Variants in ADAM11 observed in about 807,000 individuals in gnomAD.
The protein encoded by ADAM11 is disintegrin and metalloproteinase domain-containing protein 11.
ADAM11 carries 49 observed loss-of-function variants against 119.1 expected under a neutral mutation model. The observed-to-expected ratio is 0.41, with a 90% CI of 0.33 to 0.52. The LOEUF (loss-of-function observed/expected upper bound fraction) is 0.52. Ranked by LOEUF, ADAM11 falls within the 20% of genes least tolerant of loss-of-function variation. The pLI is 0.20. For missense variants in ADAM11, 777 were observed against 1,047.5 expected (o/e 0.74, Z 3.56); for synonymous variants, 364 against 408.0 (o/e 0.89, Z 1.30).
chr17:44,777,070 A>C lies in ADAM11; in HGVS notation c.1682-96A>C. ...GCCCCCAAGTGTGTAGCTCCCCAGG[A>C]TCTCAGGGACCCAGGCAGAGTGTGG... On this transcript the variant is annotated intron_variant, in intron 20 of 26. Coordinates refer to ENST00000200557, the MANE Select transcript of ADAM11 (RefSeq NM_002390.6). The surrounding 1 kb of genome is among the most constrained non-coding windows in gnomAD (Gnocchi z 5.1). The C allele has an allele frequency of 6.5e-7, 1 of 1,541,824 alleles. No individual in the cohort carries two copies. The highest frequency in any genetic ancestry group is 2.3e-5 in the East Asian group (1 of 44,026).
Position 44,777,532 on chromosome 17 carries a change from G to C in ADAM11, c.1832G>C (p.Arg611Pro), listed in dbSNP as rs149691741. 2.5e-6 allele frequency: 4 copies of C among 1,614,042 alleles called. No individual in the cohort carries two copies. The highest frequency in any genetic ancestry group is 2.2e-5 in the South Asian group (2 of 91,078). The change falls in exon 22 of 27, where the codon CGG becomes CCG. Residue 611 changes from arginine (R) to proline (P), a missense_variant. This residue lies in a region of ADAM11 where 348 missense variants were observed against 486.7 expected (regional missense o/e 0.72). Transcript: ENST00000200557. The surrounding 1 kb of genome is among the most constrained non-coding windows in gnomAD (Gnocchi z 5.1). ...TGTGTCAACATCTCTGGAGCTCCTC[G>C]GCTAGGGGACCTGGTGGGAGACATC... The part of the protein sequence containing the change: ...LLCVNISGAP[R>P]LGDLVGDISS...
intron 2 of ADAM11, among the ~76,000 whole-genome samples, chr17:44,761,968 G>A (rs1205534880): frequency 3.9e-5 from 6 of 152,080 alleles, no homozygotes; most frequent in Non-Finnish European, 7.4e-5. Flanking sequence ...GATTACAGAC[G>A]TGCGCCACCA....
At chr17:44,771,542 C>A in intron 4 of ADAM11, 42 bp from the exon 5 acceptor site, 1 of 1,595,646 alleles carries the variant, frequency 6.3e-7, no homozygotes, top group Non-Finnish European at 8.6e-7. Flanking sequence ...TGGCTGCCCC[C>A]GGCCTCATGC....
rs763819229 is a variant in ADAM11 at position 44,776,934 on chromosome 17, C to T, written c.1653C>T (p.Asp551=). The change falls in exon 20 of 27, where the codon GAC becomes GAT. Residue 551 remains aspartate (D), a synonymous_variant. Transcript: ENST00000200557. This position sits in a 1 kb window ranked among gnomAD's most constrained non-coding sequence, Gnocchi z 5.2. ...ACGGAGGTCGCTGCAAAACCCGGGACCGGCAGTGCCAGGTTCTTTGGGGCC... is the reference window on the plus strand; with the variant it reads ...ACGGAGGTCGCTGCAAAACCCGGGATCGGCAGTGCCAGGTTCTTTGGGGCC... The part of the protein sequence containing the change: ...RCYGGRCKTR[D]RQCQVLWGHA... 3 of 1,612,898 alleles carry T rather than the reference C, an allele frequency of 1.9e-6. No individual in the cohort carries two copies. The highest frequency in any genetic ancestry group is 1.3e-5 in the African/African-American group (1 of 74,870).
intron 3 of ADAM11, 28 bp from the exon 4 acceptor site, chr17:44,769,954 C>T: frequency 1.2e-6 from 2 of 1,613,858 alleles, no homozygotes; most frequent in Non-Finnish European, 1.7e-6. Flanking sequence ...GCCCGTGACC[C>T]CCCTTCCTGC....
chr17:44,765,779 C>T (rs146351793), intron 2 of ADAM11, among the ~76,000 whole-genome samples: 5,363 of 152,200 alleles, frequency 0.035, 297 homozygotes, highest in African/African-American at 0.12. Flanking sequence ...TGCCACCACA[C>T]CCGGCTAATT....
Position 44,769,685 on chromosome 17 carries a change from G to A in ADAM11, c.238-33G>A, listed in dbSNP as rs779923878. Reference sequence around the variant, plus strand: ...CGACTCCCACCTTCAGGCCTCCCTGGGTTGACTCCCCCTCTGCCCTCCCCC... The same window carrying A: ...CGACTCCCACCTTCAGGCCTCCCTGAGTTGACTCCCCCTCTGCCCTCCCCC... On this transcript the variant is annotated intron_variant, in intron 2 of 26. Coordinates refer to ENST00000200557, the MANE Select transcript of ADAM11 (RefSeq NM_002390.6). The A allele has an allele frequency of 2.3e-5, 35 of 1,539,048 alleles. No homozygotes were observed. The South Asian group carries it at 3.4e-4, about 15-fold the overall frequency.
chr17:44,773,374 G>C lies in ADAM11; in HGVS notation c.939G>C (p.Met313Ile). The C allele has an allele frequency of 6.2e-7, 1 of 1,613,952 alleles. No individual in the cohort carries two copies. Residue 313 changes from methionine to isoleucine, a missense_variant, in exon 11 of 27, where the codon ATG (methionine) becomes ATC (isoleucine). Around this residue, in one of 4 missense-constraint regions of ADAM11, gnomAD observed 147 missense variants for 223.3 expected, o/e 0.66. Transcript: ENST00000200557. This position sits in a 1 kb window ranked among gnomAD's most constrained non-coding sequence, Gnocchi z 4.6. ...TCCTGGAGACCCTGGCCCGGCTCAT[G>C]GTCTACCGACGGGAGGGTCTGCCTG... ...DDLLETLARL[M>I]VYRREGLPEP...
chr17:44,763,419 G>A (rs1243541240), intron 2 of ADAM11, among the ~76,000 whole-genome samples: 1 of 152,212 alleles, frequency 6.6e-6, no homozygotes, highest in African/African-American at 2.4e-5. Flanking sequence ...AGGGAAAAGA[G>A]ACACAGATGC....
In ADAM11 at chr17:44,777,365, C is replaced by G; in HGVS notation, c.1781+100C>G. The G allele has an allele frequency of 6.6e-7, 1 of 1,525,088 alleles. No homozygotes were observed. The highest frequency in any genetic ancestry group is 9.0e-7 in the Non-Finnish European group (1 of 1,111,548). The allele number at this position is 1,525,088 out of a possible 1,614,324, so 94.5% of individuals were successfully genotyped here. Reference sequence around the variant, plus strand: ...TTCTCCCAGGAGGAGCCTGTCAGTCCCAATGGGCGGGCACGTGGCAAATGA... The same window carrying G: ...TTCTCCCAGGAGGAGCCTGTCAGTCGCAATGGGCGGGCACGTGGCAAATGA... On this transcript the variant is annotated intron_variant, in intron 21 of 26. Coordinates refer to ENST00000200557, the MANE Select transcript of ADAM11 (RefSeq NM_002390.6). This position sits in a 1 kb window ranked among gnomAD's most constrained non-coding sequence, Gnocchi z 5.1.
intron 2 of ADAM11, among the ~76,000 whole-genome samples, chr17:44,768,414 C>G (rs1412928768): frequency 6.6e-6 from 1 of 152,166 alleles, no homozygotes; most frequent in African/African-American, 2.4e-5. Flanking sequence ...CTCCCAGGAC[C>G]TCTCATGGAC....
chr17:44,771,844 C>G lies in ADAM11; in HGVS notation c.543+13C>G. 6.3e-7 allele frequency: 1 copy of G among 1,597,266 alleles called. No homozygotes were observed. The highest frequency in any genetic ancestry group is 8.6e-7 in the Non-Finnish European group (1 of 1,168,374). ...GGGAGCCCCTCAGGTAAGCCCCACACAACCCCTTGCCATCCTCTCTGGTGG... is the reference window on the plus strand; with the variant it reads ...GGGAGCCCCTCAGGTAAGCCCCACAGAACCCCTTGCCATCCTCTCTGGTGG... On this transcript the variant is annotated intron_variant, in intron 6 of 26. Coordinates refer to ENST00000200557, the MANE Select transcript of ADAM11 (RefSeq NM_002390.6).
intron 4 of ADAM11, among the ~76,000 whole-genome samples, 168 bp downstream of exon 4, chr17:44,770,216 T>G (rs2145220766): frequency 6.6e-6 from 1 of 152,280 alleles, no homozygotes; most frequent in South Asian, 2.1e-4. Flanking sequence ...GGGTGGACAG[T>G]GGGCAGCTTG....
In ADAM11 at chr17:44,778,032, G is replaced by C. The variant is rs150767048; in HGVS notation, c.2151G>C (p.Thr717=). 5.6e-6 allele frequency: 9 copies of C among 1,613,748 alleles called. No homozygotes were observed. Among genetic ancestry groups the C allele is most frequent in the Non-Finnish European group, 7.6e-6 (9 of 1,179,846 alleles). The change falls in exon 24 of 27, where the codon ACG becomes ACC. Residue 717 remains threonine (T), a synonymous_variant. Coordinates refer to ENST00000200557, the MANE Select transcript of ADAM11 (RefSeq NM_002390.6). ...GCAGTATCCATAACCCCCTGCCCAC[G>C]TCCCCACCCACGGGGGAGACGGAGA... ...KDCSIHNPLP[T]SPPTGETERY... is the part of the protein sequence containing the mutation.
rs1275653763 is a variant in ADAM11 at position 44,780,727 on chromosome 17, T to C, written c.*973T>C. 1.3e-5 allele frequency: 2 copies of C among 154,494 alleles called. No homozygotes were observed. Among genetic ancestry groups the C allele is most frequent in the Admixed American group, 6.5e-5 (1 of 15,292 alleles). 9.6% of individuals were successfully genotyped at this position (154,494 alleles called of 1,614,324 possible). A position where few individuals can be genotyped will look rare whatever the true frequency, so the allele number is the denominator to read the frequency against. The stretch of plus-strand genomic sequence containing the variant: ...TCTCCCAGGTAGGGAAGGCCAGAGG[T>C]GGCCCAGTGCCTGGAGGGTTAGGGT... On this transcript the variant is annotated 3_prime_UTR_variant, in exon 27 of 27. Coordinates refer to ENST00000200557, the MANE Select transcript of ADAM11 (RefSeq NM_002390.6).
Position 44,777,491 on chromosome 17 carries a change from G to A in ADAM11, c.1791G>A (p.Leu597=), listed in dbSNP as rs1307915245. The change falls in exon 22 of 27, where the codon CTG becomes CTA. Residue 597 remains leucine (L), a synonymous_variant. Coordinates refer to ENST00000200557, the MANE Select transcript of ADAM11 (RefSeq NM_002390.6). The surrounding 1 kb of genome is among the most constrained non-coding windows in gnomAD (Gnocchi z 5.1). The part of the protein sequence containing the change: ...GWVQCSKQDV[L]CGFLLCVNIS... The stretch of plus-strand genomic sequence containing the variant: ...CTATATGCCCCAACAGGGACGTGCT[G>A]TGTGGCTTCCTCCTCTGTGTCAACA... 4 of 1,614,054 alleles carry A rather than the reference G, an allele frequency of 2.5e-6. No homozygotes were observed. Among genetic ancestry groups the A allele is most frequent in the Admixed American group, 1.7e-5 (1 of 60,004 alleles).
rs754339427 is a variant in ADAM11 at position 44,759,706 on chromosome 17, G to A, written c.62-16G>A. ...AGGGTGGGCAGCTGCCTGCAGCCAT[G>A]GCCTTGTTTCCCCAGGTCTTGGGAC... On this transcript the variant is annotated splice_polypyrimidine_tract_variant and intron_variant, in intron 1 of 26. Transcript: ENST00000200557. The A allele has an allele frequency of 1.5e-6, 2 of 1,318,130 alleles. No individual in the cohort carries two copies. The highest frequency in any genetic ancestry group is 1.5e-5 in the African/African-American group (1 of 66,444). The allele number at this position is 1,318,130 out of a possible 1,614,324, so 81.7% of individuals were successfully genotyped here.
In ADAM11 at chr17:44,759,126, A is replaced by T; in HGVS notation, c.-74A>T. On this transcript the variant is annotated 5_prime_UTR_variant, in exon 1 of 27. Coordinates refer to ENST00000200557, the MANE Select transcript of ADAM11 (RefSeq NM_002390.6). ...CCGGCTCCGCAGCTGGCGCCTCCCC[A>T]CCCCCGTCCCTGCTCCCGCCCTCCC... 9.4e-6 allele frequency: 1 copy of T among 105,848 alleles called. No individual in the cohort carries two copies. Among genetic ancestry groups the T allele is most frequent in the Non-Finnish European group, 1.1e-5 (1 of 88,214 alleles). 6.6% of individuals were successfully genotyped at this position (105,848 alleles called of 1,614,324 possible). A position where few individuals can be genotyped will look rare whatever the true frequency, so the allele number is the denominator to read the frequency against.
Position 44,772,166 on chromosome 17 carries a change from C to T in ADAM11, c.544-101C>T. 9 of 1,183,024 alleles carry T rather than the reference C, an allele frequency of 7.6e-6. No homozygotes were observed. The highest frequency in any genetic ancestry group is 1.1e-5 in the Non-Finnish European group (9 of 827,716). 73.3% of individuals were successfully genotyped at this position (1,183,024 alleles called of 1,614,324 possible). On this transcript the variant is annotated intron_variant, in intron 6 of 26. Coordinates refer to ENST00000200557, the MANE Select transcript of ADAM11 (RefSeq NM_002390.6). This position sits in a 1 kb window ranked among gnomAD's most constrained non-coding sequence, Gnocchi z 4.5. ...GGGAGCTGTGGCCAGTTCTGGGTCA[C>T]CCCAGGGTGGGGTGGAGGCGAGGGC...
Sources: gnomAD v4.1 joint callset for allele counts (sites outside exome capture counted in the v4.1 genomes callset) on GRCh38, gnomAD v4.1.1 for gene constraint, gnomAD v4.1.1 regional missense constraint, Gnocchi (gnomAD v3.1) non-coding constraint, MANE v1.5 for transcripts, NCBI Gene and HGNC (gene_info 2026-07-23, HGNC 2026-07-21) for gene names.